SETDB1: variants seen among roughly 807,000 people sequenced by gnomAD.
The protein encoded by SETDB1 is histone-lysine N-methyltransferase SETDB1.
A neutral mutation model predicts 137.4 loss-of-function variants in SETDB1; 31 were observed. The ratio of observed to expected loss-of-function variants is 0.23; its 90% CI spans 0.17 to 0.30. SETDB1 has a LOEUF of 0.30. Ranked by LOEUF, SETDB1 falls within the 10% of genes least tolerant of loss-of-function variation. SETDB1 has a pLI of 1.00. For missense variants in SETDB1, 1,113 were observed against 1,631.5 expected (o/e 0.68, Z 5.47); for synonymous variants, 548 against 579.9 (o/e 0.95, Z 0.79).
chr1:150,947,321 T>C (rs1670359738), intron 10 of SETDB1, among the ~76,000 whole-genome samples: 1 of 152,128 alleles, frequency 6.6e-6, no homozygotes, highest in African/African-American at 2.4e-5. Context: ...GTTAGTTTTT[T>C]CTTTTTCTTT....
intron 15 of SETDB1, among the ~76,000 whole-genome samples, chr1:150,959,970 G>A (rs1417431673): frequency 6.6e-6 from 1 of 152,074 alleles, no homozygotes; most frequent in East Asian, 1.9e-4. Context: ...CTACTTGGGA[G>A]GCTGAGGCAG....
chr1:150,962,649 G>A lies in SETDB1; in HGVS notation c.3224G>A (p.Arg1075His), dbSNP rs1407598449. ...NPSPVKPEGL[R>H]RPPSKTSMHQ... ...TCTCCTGTGAAGCCTGAAGGACTTCGCCGCCCACCTAGTAAGACTAGTATG... is the reference window on the plus strand; with the variant it reads ...TCTCCTGTGAAGCCTGAAGGACTTCACCGCCCACCTAGTAAGACTAGTATG... The change falls in exon 18 of 22, where the codon CGC (arginine) becomes CAC (histidine). Residue 1075 changes from arginine to histidine, a missense_variant. Coordinates refer to ENST00000692827, the MANE Select transcript of SETDB1 (RefSeq NM_001366418.1). The A allele has an allele frequency of 4.3e-6, 7 of 1,613,566 alleles. No individual in the cohort carries two copies. Among genetic ancestry groups the A allele is most frequent in the Admixed American group, 1.7e-5 (1 of 59,994 alleles).
At chr1:150,951,578 G>T in intron 14 of SETDB1, 97 bp downstream of exon 14, 1 of 651,152 alleles carries the variant, frequency 1.5e-6, no homozygotes, top group South Asian at 2.3e-5. Context: ...CTAAAAATTG[G>T]AACCAAAAAT....
At chr1:150,949,560 G>A (rs1670437461) in intron 12 of SETDB1, 35 bp downstream of exon 12, 1 of 1,598,662 alleles carries the variant, frequency 6.3e-7, no homozygotes, top group Non-Finnish European at 8.6e-7. Context: ...AGGCAGGATA[G>A]CAATGAGTGG....
At chr1:150,940,531 G>A (rs1030596987) in intron 4 of SETDB1, among the ~76,000 whole-genome samples, 5 of 149,852 alleles carry the variant, frequency 3.3e-5, no homozygotes, top group African/African-American at 7.4e-5. Context: ...TCGCACCACC[G>A]CACTCTAGCC....
At chr1:150,929,689 A>G (rs1669665139) in intron 2 of SETDB1, among the ~76,000 whole-genome samples, 1 of 152,036 alleles carries the variant, frequency 6.6e-6, no homozygotes, top group Admixed American at 6.6e-5. Context: ...GCCAGGATAC[A>G]TTTTCAGATA....
At chr1:150,947,327 TC>T (rs1670360086) in intron 10 of SETDB1, among the ~76,000 whole-genome samples, 1 of 152,102 alleles carries the variant, frequency 6.6e-6, no homozygotes, top group African/African-American at 2.4e-5. Context: ...TTTTTCTTTT[TC>T]TTTTTTTTTT....
At chr1:150,963,797 C>T (rs751209263) in intron 20 of SETDB1, 56 bp downstream of exon 20, 8 of 1,532,416 alleles carry the variant, frequency 5.2e-6, no homozygotes, top group Non-Finnish European at 6.3e-6. Flanking sequence ...CCTCAGATTT[C>T]TTTTAACATA....
intron 14 of SETDB1, among the ~76,000 whole-genome samples, chr1:150,952,450 G>C (rs1484497956): frequency 6.6e-6 from 1 of 152,198 alleles, no homozygotes; most frequent in East Asian, 1.9e-4. Context: ...GGAGTGGGGG[G>C]AAAGAGTAGA....
chr1:150,931,282 G>C (rs2867295), intron 3 of SETDB1, among the ~76,000 whole-genome samples: 22 of 113,776 alleles, frequency 1.9e-4, no homozygotes, highest in African/African-American at 7.4e-4. Flanking sequence ...AAAAAAAAAA[G>C]GGTTTCCAGA....
rs775599730 is a variant in SETDB1 at position 150,927,987 on chromosome 1, T to G, written c.260+13T>G. ...ATGATGCATCCAGGTGAGAACTCCA[T>G]GGAAAATAGAAGGAAATCTCTCCAT... On this transcript the variant is annotated intron_variant, in intron 2 of 21. Transcript: ENST00000692827. 2 of 1,611,656 alleles carry G rather than the reference T, an allele frequency of 1.2e-6. No individual in the cohort carries two copies.
chr1:150,962,492 T>A (rs905998149), intron 17 of SETDB1, 95 bp from the exon 18 acceptor site: 22 of 1,261,708 alleles, frequency 1.7e-5, no homozygotes, highest in Non-Finnish European at 2.4e-5. Flanking sequence ...CCTGTCTTTT[T>A]GACCTGTCTC....
At chr1:150,934,978 C>T (rs587715576) in intron 3 of SETDB1, among the ~76,000 whole-genome samples, 9 of 152,268 alleles carry the variant, frequency 5.9e-5, no homozygotes, top group African/African-American at 1.9e-4. Flanking sequence ...TGCACCACCA[C>T]GCCCGGCTAA....
At chr1:150,955,456 G>C (rs1254221163) in intron 14 of SETDB1, among the ~76,000 whole-genome samples, 1 of 152,200 alleles carries the variant, frequency 6.6e-6, no homozygotes, top group Non-Finnish European at 1.5e-5. Flanking sequence ...TTCAACCAGT[G>C]TTTTCCAGCC....
chr1:150,932,808 C>T (rs1040347363), intron 3 of SETDB1, among the ~76,000 whole-genome samples: 1 of 152,070 alleles, frequency 6.6e-6, no homozygotes, highest in Non-Finnish European at 1.5e-5. Context: ...CTATTTATTT[C>T]CCCGTAAGCA....
chr1:150,949,318 T>G, intron 11 of SETDB1, 40 bp downstream of exon 11: 1 of 1,612,552 alleles, frequency 6.2e-7, no homozygotes, highest in Non-Finnish European at 8.5e-7. Flanking sequence ...TTCTTTCATA[T>G]TATATTTTCC....
chr1:150,959,271 C>A lies in SETDB1; in HGVS notation c.2427C>A (p.Phe809Leu). The A allele has an allele frequency of 6.2e-7, 1 of 1,610,240 alleles. No homozygotes were observed. The highest frequency in any genetic ancestry group is 1.1e-5 in the South Asian group (1 of 89,992). ...GACTACAAGTTCGGCTACAGCTATT[C>A]AAGACACAGAACAAGGGCTGGGGTA... is the stretch of plus-strand genomic sequence containing the variant. ...QHGLQVRLQL[F>L]KTQNKGWGIR... The change falls in exon 15 of 22, where the codon TTC (phenylalanine) becomes TTA (leucine). Residue 809 changes from phenylalanine (F) to leucine (L), a missense_variant. Phe to Leu is a conservative substitution (Grantham distance 22). This residue lies in a region of SETDB1 where 25 missense variants were observed against 102.1 expected (regional missense o/e 0.24). Coordinates refer to ENST00000692827, the MANE Select transcript of SETDB1 (RefSeq NM_001366418.1).
intron 17 of SETDB1, among the ~76,000 whole-genome samples, 199 bp from the exon 18 acceptor site, chr1:150,962,388 T>C (rs1670849307): frequency 6.6e-6 from 1 of 152,122 alleles, no homozygotes; most frequent in South Asian, 2.1e-4. Context: ...AGACTGGTCT[T>C]GAACTCCTGG....
At position 150,944,983 on chromosome 1, in the gene SETDB1, G is replaced by A; in HGVS notation, c.1015G>A (p.Ala339Thr). 1 of 1,614,064 alleles carries A rather than the reference G, an allele frequency of 6.2e-7. No individual in the cohort carries two copies. Among genetic ancestry groups the A allele is most frequent in the South Asian group, 1.1e-5 (1 of 91,090 alleles). ...TGACTTCATAGAGGAGTATGTCACT[G>A]CCTACCCCAACCGCCCCATGGTACT... ...CRDFIEEYVT[A>T]YPNRPMVLLK... Residue 339 changes from alanine to threonine, a missense_variant, in exon 9 of 22, where the codon GCC becomes ACC. By Grantham distance (58) the Ala-to-Thr change is moderately conservative. Coordinates refer to ENST00000692827, the MANE Select transcript of SETDB1 (RefSeq NM_001366418.1).
Sources: gnomAD v4.1 joint callset for allele counts (sites outside exome capture counted in the v4.1 genomes callset) on GRCh38, gnomAD v4.1.1 for gene constraint, gnomAD v4.1.1 regional missense constraint, MANE v1.5 for transcripts, NCBI Gene and HGNC (gene_info 2026-07-23, HGNC 2026-07-21) for gene names.